Variants in UTP20 observed in about 807,000 individuals in gnomAD.
UTP20 encodes the protein UTP20 small subunit processome component.
A neutral mutation model predicts 329.5 loss-of-function variants in UTP20; 164 were observed. The ratio of observed to expected loss-of-function variants is 0.50; its 90% CI spans 0.44 to 0.57. The LOEUF is 0.57. Among genes scored for constraint, UTP20 ranks in the 20% least tolerant of loss-of-function variants. The pLI, the probability that UTP20 is intolerant of heterozygous loss-of-function variation, is 0.00. For synonymous variants in UTP20, 1,151 were observed against 1,159.3 expected, an observed-to-expected ratio of 0.99 and a Z score of 0.14; for missense variants, 3,055 against 3,284.2, an observed-to-expected ratio of 0.93 and a Z score of 1.71.
At chr12:101,339,790 G>A (rs1869059281) in intron 31 of UTP20, among the ~76,000 whole-genome samples, 1 of 152,142 alleles carries the variant, frequency 6.6e-6, no homozygotes, top group African/African-American at 2.4e-5. Context: ...TTAATTTTAA[G>A]TTGACCATTA....
Position 101,386,242 on chromosome 12 carries a change from C to T in UTP20, c.*119C>T, listed in dbSNP as rs571073785. 162 of 909,992 alleles carry T rather than the reference C, an allele frequency of 1.8e-4. 1 individual carries two copies. Among genetic ancestry groups the T allele is most frequent in the Non-Finnish European group, 2.6e-4 (154 of 601,536 alleles). The allele number at this position is 909,992 out of a possible 1,614,324, so 56.4% of individuals were successfully genotyped here. On this transcript the variant is annotated 3_prime_UTR_variant, in exon 62 of 62. Coordinates refer to ENST00000261637, the MANE Select transcript of UTP20 (RefSeq NM_014503.3). ...TTTTTTTTTTTGAGACAAGGTCTCACTCTGTCACCCAAGGTGGAGTGCAGT... is the reference window on the plus strand; with the variant it reads ...TTTTTTTTTTTGAGACAAGGTCTCATTCTGTCACCCAAGGTGGAGTGCAGT...
At chr12:101,334,049 C>G (rs1186897473) in intron 28 of UTP20, among the ~76,000 whole-genome samples, 1 of 152,232 alleles carries the variant, frequency 6.6e-6, no homozygotes, top group Non-Finnish European at 1.5e-5. Flanking sequence ...GTTTTTATTA[C>G]ATACTTCCTA....
intron 56 of UTP20, 130 bp from the exon 57 acceptor site, chr12:101,379,239 CAT>C: frequency 1.4e-6 from 1 of 708,742 alleles, no homozygotes; most frequent in Admixed American, 3.2e-5. Flanking sequence ...ACTTCCCAGC[CAT>C]TGGCTTATTT....
chr12:101,291,580 T>C (rs1276455020), intron 8 of UTP20, among the ~76,000 whole-genome samples, 162 bp from the exon 9 acceptor site: 1 of 145,102 alleles, frequency 6.9e-6, no homozygotes, highest in Non-Finnish European at 1.5e-5. Flanking sequence ...AACAATGCAC[T>C]CAGCCAATGT....
At chr12:101,363,855 T>C in intron 45 of UTP20, 112 bp downstream of exon 45, 3 of 718,030 alleles carry the variant, frequency 4.2e-6, no homozygotes, top group Non-Finnish European at 7.1e-6. Flanking sequence ...ATGATTTCCT[T>C]TGGTGATAGG....
intron 43 of UTP20, among the ~76,000 whole-genome samples, chr12:101,359,501 G>GTATATA (rs113405115): frequency 0.018 from 2,691 of 147,742 alleles, 33 homozygotes; most frequent in Non-Finnish European, 0.027. Context: ...ATGTGTGTGT[G>GTATATA]TATATATATA....
At chr12:101,344,828 T>C (rs1869265410) in intron 36 of UTP20, 78 bp downstream of exon 36, 3 of 1,325,996 alleles carry the variant, frequency 2.3e-6, no homozygotes, top group Non-Finnish European at 3.2e-6. Context: ...TACTGTTGTA[T>C]AGAAAAGTAG....
At chr12:101,366,465 C>T in intron 46 of UTP20, 93 bp from the exon 47 acceptor site, 1 of 1,474,418 alleles carries the variant, frequency 6.8e-7, no homozygotes, top group African/African-American at 1.4e-5. Flanking sequence ...TTATTTAGTG[C>T]TGGGCTCTCG....
intron 21 of UTP20, among the ~76,000 whole-genome samples, chr12:101,316,550 A>T (rs1872977695): frequency 6.6e-6 from 1 of 152,178 alleles, no homozygotes; most frequent in African/African-American, 2.4e-5. Flanking sequence ...CAGCCCTCAG[A>T]TTGTAGTTTA....
rs150241052 is a variant in UTP20, at chr12:101,344,870, G to C, written c.4605+120G>C. ...TTAGTGCATTTAATGAGAATACTTG[G>C]TTGAGTAAATAGTCACCAGACTTTT... On this transcript the variant is annotated intron_variant, in intron 36 of 61. Transcript: ENST00000261637. 4.7e-4 allele frequency: 314 copies of C among 663,866 alleles called. 1 individual carries two copies. The African/African-American group carries it at 5.1e-3, about 11-fold the overall frequency. The allele number at this position is 663,866 out of a possible 1,614,324, so 41.1% of individuals were successfully genotyped here.
At chr12:101,322,818 G>A (rs2054196) in intron 25 of UTP20, among the ~76,000 whole-genome samples, 18,703 of 152,098 alleles carry the variant, frequency 0.12, 2,639 homozygotes, top group East Asian at 0.47. Context: ...ATTTGAGGGA[G>A]TGAATAAGTG....
rs1175802127 is a variant in UTP20 at position 101,383,037 on chromosome 12, A to T, written c.7657-4A>T. The stretch of plus-strand genomic sequence containing the variant: ...TTCTTCCCCCACCCCGTTTTTTTTT[A>T]AAGGTTGTTAAGAATTTGTTGTTCG... On this transcript the variant is annotated splice_polypyrimidine_tract_variant and splice_region_variant and intron_variant, in intron 58 of 61. Coordinates refer to ENST00000261637, the MANE Select transcript of UTP20 (RefSeq NM_014503.3). 1.6e-5 allele frequency: 25 copies of T among 1,536,508 alleles called. No homozygotes were observed. The highest frequency in any genetic ancestry group is 6.1e-5 in the Admixed American group (3 of 48,976).
At chr12:101,375,419 G>A (rs571234135) in intron 55 of UTP20, among the ~76,000 whole-genome samples, 4 of 152,268 alleles carry the variant, frequency 2.6e-5, no homozygotes, top group Admixed American at 6.5e-5. Flanking sequence ...AGGTGCTACT[G>A]GGATCTAGAG....
intron 6 of UTP20, 85 bp from the exon 7 acceptor site, chr12:101,290,052 A>G (rs561561680): frequency 9.3e-7 from 1 of 1,076,882 alleles, no homozygotes; most frequent in African/African-American, 1.6e-5. Context: ...TTAAATAACA[A>G]TATATAGAAT....
chr12:101,320,476 A>C (rs1873113727), intron 23 of UTP20, among the ~76,000 whole-genome samples: 1 of 152,026 alleles, frequency 6.6e-6, no homozygotes, highest in African/African-American at 2.4e-5. Flanking sequence ...GAATCGTTTG[A>C]ACCCAGGAGG....
chr12:101,332,285 C>T (rs1868783991), intron 27 of UTP20, among the ~76,000 whole-genome samples: 1 of 152,034 alleles, frequency 6.6e-6, no homozygotes, highest in Admixed American at 6.5e-5. Context: ...TGCGGTGAGC[C>T]CAGATTGTGC....
chr12:101,371,296 G>T lies in UTP20; in HGVS notation c.6798+128G>T, dbSNP rs531287392. ...TATTGTTGCTTTATGCTGAGACTTG[G>T]GCGTCCTGGTGCAGGTGGTCAGGGG... On this transcript the variant is annotated intron_variant, in intron 51 of 61. Coordinates refer to ENST00000261637, the MANE Select transcript of UTP20 (RefSeq NM_014503.3). The T allele has an allele frequency of 7.3e-6, 5 of 684,276 alleles. No homozygotes were observed. The East Asian group carries it at 9.2e-5, about 13-fold the overall frequency. 42.4% of individuals were successfully genotyped at this position (684,276 alleles called of 1,614,324 possible).
At chr12:101,342,675 GC>G in intron 33 of UTP20, 86 bp downstream of exon 33, 1 of 1,533,768 alleles carries the variant, frequency 6.5e-7, no homozygotes, top group Non-Finnish European at 8.9e-7. Flanking sequence ...CTTTCTTCAT[GC>G]CAGGGTGATG....
At position 101,369,741 on chromosome 12, in the gene UTP20, G is replaced by C; in HGVS notation, c.6405G>C (p.Gln2135His). The change falls in exon 49 of 62, where the codon CAG (glutamine) becomes CAC (histidine). Residue 2135 changes from glutamine to histidine, a missense_variant. Coordinates refer to ENST00000261637, the MANE Select transcript of UTP20 (RefSeq NM_014503.3). ...TTCAGGTGATCACAGGTGCTTTACA[G>C]TGCCTCATCTGGGTCTTGAGGTTCC... ...MDVKVITGAL[Q>H]CLIWVLRFPL... The C allele has an allele frequency of 1.3e-6, 2 of 1,586,934 alleles. No individual in the cohort carries two copies. Among genetic ancestry groups the C allele is most frequent in the Non-Finnish European group, 1.7e-6 (2 of 1,155,480 alleles).
Sources: gnomAD v4.1 joint callset for allele counts (sites outside exome capture counted in the v4.1 genomes callset) on GRCh38, gnomAD v4.1.1 for gene constraint, MANE v1.5 for transcripts, NCBI Gene and HGNC (gene_info 2026-07-23, HGNC 2026-07-21) for gene names.